The following ATP8B4 variants were observed in gnomAD, a reference collection of about 807,000 sequenced individuals.
ATP8B4 encodes probable phospholipid-transporting ATPase IM.
Under a neutral mutation model 145.6 loss-of-function variants are expected in ATP8B4, and 133 were observed. The ratio of observed to expected loss-of-function variants is 0.91; its 90% CI spans 0.79 to 1.05. ATP8B4 has a LOEUF of 1.05. Ranked by LOEUF, ATP8B4 falls within the 50% of genes least tolerant of loss-of-function variation. ATP8B4 has a pLI of 0.00. For missense variants in ATP8B4, 1,458 were observed against 1,425.2 expected, an observed-to-expected ratio of 1.02 and a Z score of -0.37; for synonymous variants, 507 against 492.9, an observed-to-expected ratio of 1.03 and a Z score of -0.38.
intron 3 of ATP8B4, among the ~76,000 whole-genome samples, chr15:50,052,213 A>G (rs947621297): frequency 6.6e-6 from 1 of 152,218 alleles, no homozygotes; most frequent in Non-Finnish European, 1.5e-5. Context: ...AGTTCATTCC[A>G]TAATAAGGCA....
intron 20 of ATP8B4, among the ~76,000 whole-genome samples, chr15:49,904,683 T>C (rs766365789): frequency 2.0e-5 from 3 of 152,174 alleles, no homozygotes; most frequent in Non-Finnish European, 4.4e-5. Flanking sequence ...GTATAATAGA[T>C]AGCCCAGATC....
intron 10 of ATP8B4, among the ~76,000 whole-genome samples, chr15:49,982,080 G>A (rs1015835110): frequency 6.6e-6 from 1 of 152,086 alleles, no homozygotes; most frequent in African/African-American, 2.4e-5. Flanking sequence ...TTTCTCCAGT[G>A]TTTCCTCTTC....
chr15:50,140,708 G>T (rs1227638414), intron 1 of ATP8B4, among the ~76,000 whole-genome samples: 2 of 152,144 alleles, frequency 1.3e-5, no homozygotes, highest in African/African-American at 4.8e-5. Context: ...ACTGACATAT[G>T]ATTTTTACTA....
At chr15:50,162,336 T>C (rs569949613) in intron 1 of ATP8B4, among the ~76,000 whole-genome samples, 20 of 151,004 alleles carry the variant, frequency 1.3e-4, no homozygotes, top group African/African-American at 4.8e-4. Flanking sequence ...ACTTTATTAA[T>C]ATCTACTTAT....
At chr15:50,055,245 C>T (rs1469591788) in intron 3 of ATP8B4, among the ~76,000 whole-genome samples, 2 of 152,184 alleles carry the variant, frequency 1.3e-5, no homozygotes, top group African/African-American at 4.8e-5. Flanking sequence ...CTGAGACTAG[C>T]CCTATCTCTG....
rs201187223 is a variant in ATP8B4 at position 50,044,626 on chromosome 15, T to G, written c.268A>C (p.Met90Leu). 4.3e-6 allele frequency: 7 copies of G among 1,612,958 alleles called. No homozygotes were observed. The highest frequency in any genetic ancestry group is 5.9e-6 in the Non-Finnish European group (7 of 1,179,396). Residue 90 changes from methionine to leucine, a missense_variant, in exon 5 of 28, where the codon ATG (methionine) becomes CTG (leucine). Met to Leu is a conservative substitution (Grantham distance 15, BLOSUM62 2). Transcript: ENST00000284509. ...TCTGTGGCATCTTTGACAGCTGTCA[T>G]AGTTATCACCAGGACCAAAGGCACA... ...TIVPLVLVIT[M>L]TAVKDATDDY...
At chr15:50,051,919 G>A (rs1600089552) in intron 3 of ATP8B4, among the ~76,000 whole-genome samples, 1 of 152,294 alleles carries the variant, frequency 6.6e-6, no homozygotes, top group Middle Eastern at 3.4e-3. Flanking sequence ...TGCTTAGCAT[G>A]ACATATAGCA....
intron 17 of ATP8B4, 105 bp from the exon 18 acceptor site, chr15:49,920,515 G>A (rs1566992141): frequency 7.7e-7 from 1 of 1,295,222 alleles, no homozygotes; most frequent in Non-Finnish European, 1.0e-6. Context: ...AATTCATTTT[G>A]TACCAAGAGC....
intron 1 of ATP8B4, among the ~76,000 whole-genome samples, chr15:50,171,394 C>A (rs927466293): frequency 3.3e-5 from 5 of 152,088 alleles, no homozygotes; most frequent in African/African-American, 1.2e-4. Flanking sequence ...GAAATCAACT[C>A]CAAAAGGAAC....
chr15:49,882,329 G>T (rs2035552602), intron 23 of ATP8B4, among the ~76,000 whole-genome samples: 1 of 152,178 alleles, frequency 6.6e-6, no homozygotes, highest in Admixed American at 6.5e-5. Context: ...CACCAAAACT[G>T]CAGCTAAGCC....
At chr15:50,060,198 C>A (rs1332623005) in intron 3 of ATP8B4, among the ~76,000 whole-genome samples, 1 of 152,108 alleles carries the variant, frequency 6.6e-6, no homozygotes, top group East Asian at 1.9e-4. Flanking sequence ...GGCAGACATG[C>A]CGTACTGAAG....
intron 23 of ATP8B4, among the ~76,000 whole-genome samples, chr15:49,893,639 G>T (rs1217140492): frequency 6.6e-6 from 1 of 152,164 alleles, no homozygotes; most frequent in Admixed American, 6.5e-5. Flanking sequence ...GTGGTTGCCA[G>T]GGACTAGGGG....
chr15:50,045,825 C>A (rs143858894), intron 4 of ATP8B4, among the ~76,000 whole-genome samples: 2 of 152,084 alleles, frequency 1.3e-5, no homozygotes, highest in Admixed American at 6.5e-5. Context: ...GAGCCTTTGG[C>A]CACAAATGAG....
In ATP8B4 at chr15:50,093,967, G is replaced by A. The variant is rs144214551; in HGVS notation, c.28+12972C>T. ...TCTAAATTTGTATGCATCCAATAAC[G>A]TAGCCTCAAAATATGTAAAGAAAAA... On this transcript the variant is annotated intron_variant, in intron 2 of 27. Transcript: ENST00000284509. Among the ~76,000 whole-genome samples the A allele has an allele frequency of 9.7e-4, 148 of 152,140 alleles. 1 individual carries two copies. The highest frequency in any genetic ancestry group is 3.4e-3 in the African/African-American group (143 of 41,504).
At chr15:50,020,372 C>A (rs1567210628) in intron 6 of ATP8B4, among the ~76,000 whole-genome samples, 1 of 151,240 alleles carries the variant, frequency 6.6e-6, no homozygotes, top group Non-Finnish European at 1.5e-5. Context: ...CAGGTTCAAG[C>A]AGTTGTCCTG....
At position 50,089,725 on chromosome 15, in the gene ATP8B4, G is replaced by A. The variant is rs369798014; in HGVS notation, c.29-15540C>T. On this transcript the variant is annotated intron_variant, in intron 2 of 27. Coordinates refer to ENST00000284509, the MANE Select transcript of ATP8B4 (RefSeq NM_024837.4). ...GTCTCCCAGGCTGGAGTGCAATGGC[G>A]CGATCTTGAGAAACAGGAATGTTTT... Among the ~76,000 whole-genome samples the A allele has an allele frequency of 1.5e-4, 23 of 151,550 alleles. No individual in the cohort carries two copies. In the East Asian group the frequency reaches 4.1e-3, roughly 27 times the overall value.
chr15:50,002,229 T>C lies in ATP8B4; in HGVS notation c.436-6A>G, dbSNP rs762899232. ...GATAGGAGAAGTAAATCAGCCTATT[T>C]TCAAAAATCATAACAAAAGAATACT... is the stretch of plus-strand genomic sequence containing the variant. On this transcript the variant is annotated splice_region_variant and splice_polypyrimidine_tract_variant and intron_variant, in intron 7 of 27. Coordinates refer to ENST00000284509, the MANE Select transcript of ATP8B4 (RefSeq NM_024837.4). 1.2e-6 allele frequency: 2 copies of C among 1,604,620 alleles called. No individual in the cohort carries two copies. Among genetic ancestry groups the C allele is most frequent in the Admixed American group, 3.3e-5 (2 of 59,720 alleles).
intron 1 of ATP8B4, among the ~76,000 whole-genome samples, chr15:50,173,634 C>G (rs142748084): frequency 0.092 from 13,956 of 152,002 alleles, 817 homozygotes; most frequent in Middle Eastern, 0.15. Context: ...CTGACCTTCC[C>G]TCCACTATTG....
At chr15:50,145,363 C>A (rs1471021324) in intron 1 of ATP8B4, among the ~76,000 whole-genome samples, 2 of 152,132 alleles carry the variant, frequency 1.3e-5, no homozygotes, top group Non-Finnish European at 2.9e-5. Context: ...CAGGATCAGT[C>A]TCTTTCTTTT....
Sources: allele counts gnomAD v4.1 joint callset (sites outside exome capture counted in the v4.1 genomes callset), GRCh38; gene constraint gnomAD v4.1.1; transcripts MANE v1.5; gene names NCBI Gene and HGNC (gene_info 2026-07-23, HGNC 2026-07-21).